Variants in PRTFDC1 observed in about 807,000 individuals in gnomAD.
PRTFDC1 encodes phosphoribosyl transferase domain containing 1.
PRTFDC1 carries 38 observed loss-of-function variants against 34.6 expected under a neutral mutation model. The observed-to-expected ratio is 1.10, with a 90% CI of 0.85 to 1.44. The LOEUF is 1.44. PRTFDC1 is among the 40% of genes most tolerant of loss of function. The pLI, the probability that PRTFDC1 is intolerant of heterozygous loss-of-function variation, is 0.00. For missense variants in PRTFDC1, 270 were observed against 283.0 expected (o/e 0.95, Z 0.33); for synonymous variants, 93 against 98.1 (o/e 0.95, Z 0.31).
intron 3 of PRTFDC1, among the ~76,000 whole-genome samples, chr10:24,936,979 TAGAG>T (rs900914890): frequency 2.0e-5 from 3 of 152,060 alleles, no homozygotes; most frequent in Non-Finnish European, 4.4e-5. Context: ...TATGTGAAAA[TAGAG>T]AGAAGGTCCC....
intron 3 of PRTFDC1, among the ~76,000 whole-genome samples, chr10:24,919,082 C>T (rs1187047734): frequency 1.3e-5 from 2 of 152,046 alleles, no homozygotes; most frequent in Admixed American, 6.6e-5. Context: ...ATTTATAAGG[C>T]ACTTAAAATA....
chr10:24,898,807 G>A (rs1043665898), intron 3 of PRTFDC1, among the ~76,000 whole-genome samples: 5 of 152,152 alleles, frequency 3.3e-5, no homozygotes, highest in Non-Finnish European at 7.4e-5. Flanking sequence ...GCTAAGAACT[G>A]AATGTTTATG....
chr10:24,950,590 C>G (rs113754760), intron 1 of PRTFDC1, among the ~76,000 whole-genome samples: 1 of 151,998 alleles, frequency 6.6e-6, no homozygotes, highest in East Asian at 1.9e-4. Flanking sequence ...TCTTGGTATC[C>G]GACTTGCTGT....
intron 4 of PRTFDC1, among the ~76,000 whole-genome samples, chr10:24,870,858 G>C (rs1252915477): frequency 6.6e-6 from 1 of 151,798 alleles, no homozygotes; most frequent in Non-Finnish European, 1.5e-5. Flanking sequence ...GATCACTTGA[G>C]GTCAGGAGTT....
intron 4 of PRTFDC1, among the ~76,000 whole-genome samples, chr10:24,862,727 G>A (rs771811176): frequency 5.3e-5 from 8 of 151,662 alleles, no homozygotes; most frequent in Non-Finnish European, 1.5e-5. Context: ...ACCCTGTGTT[G>A]AGCACGTGTA....
chr10:24,863,248 C>T (rs1174785461), intron 4 of PRTFDC1, among the ~76,000 whole-genome samples: 2 of 152,086 alleles, frequency 1.3e-5, no homozygotes, highest in Non-Finnish European at 2.9e-5. Context: ...ACTTACCATT[C>T]CAAAAATGCT....
chr10:24,863,261 G>C (rs897388196), intron 4 of PRTFDC1, among the ~76,000 whole-genome samples: 5 of 152,036 alleles, frequency 3.3e-5, no homozygotes, highest in Non-Finnish European at 5.9e-5. Context: ...AAAATGCTAG[G>C]GTGCTTAAAA....
chr10:24,937,404 AC>A (rs1323438333), intron 2 of PRTFDC1, 37 bp from the exon 3 acceptor site: 6 of 1,544,290 alleles, frequency 3.9e-6, no homozygotes, highest in Non-Finnish European at 5.3e-6. Context: ...AGGCACAACT[AC>A]TTCTGAGTAT....
At chr10:24,905,023 C>G (rs1260363579) in intron 3 of PRTFDC1, among the ~76,000 whole-genome samples, 1 of 152,064 alleles carries the variant, frequency 6.6e-6, no homozygotes, top group Non-Finnish European at 1.5e-5. Context: ...AAAGTCTATG[C>G]TAGCCAGGTG....
At chr10:24,873,131 G>A (rs907989793) in intron 3 of PRTFDC1, among the ~76,000 whole-genome samples, 5 of 152,090 alleles carry the variant, frequency 3.3e-5, no homozygotes, top group African/African-American at 7.2e-5. Flanking sequence ...TGGCCTCAGA[G>A]CCATATTTAG....
intron 3 of PRTFDC1, chr10:24,908,605 A>T: frequency 6.2e-7 from 1 of 1,612,736 alleles, no homozygotes; most frequent in Non-Finnish European, 8.5e-7. Context: ...CTTGCAGGGG[A>T]GCACAGCTAC....
Position 24,944,229 on chromosome 10 carries a change from C to T in PRTFDC1, c.49-1793G>A, listed in dbSNP as rs977106033. 4.6e-5 allele frequency among the ~76,000 whole-genome samples: 7 copies of T among 152,200 alleles called. 1 individual carries two copies. The highest frequency in any genetic ancestry group is 4.1e-4 in the South Asian group (2 of 4,830). On this transcript the variant is annotated intron_variant, in intron 1 of 8. Coordinates refer to ENST00000320152, the MANE Select transcript of PRTFDC1 (RefSeq NM_020200.7). ...CTTACCCAAGGCTCCCATGCAGGAT[C>T]CTTGAGAAGGCTCCTGTCCCTTGGA...
intron 3 of PRTFDC1, among the ~76,000 whole-genome samples, chr10:24,935,217 CT>C (rs1849030684): frequency 6.6e-6 from 1 of 151,974 alleles, no homozygotes; most frequent in African/African-American, 2.4e-5. Flanking sequence ...ATAAACCTGA[CT>C]TTAATTAAAA....
In PRTFDC1 at chr10:24,878,141, C is replaced by T. The variant is rs117671733; in HGVS notation, c.340-6078G>A. On this transcript the variant is annotated intron_variant, in intron 3 of 8. Coordinates refer to ENST00000320152, the MANE Select transcript of PRTFDC1 (RefSeq NM_020200.7). The stretch of plus-strand genomic sequence containing the variant: ...TACAAAAAGTAGCCTGGCGTGGTGG[C>T]GAGTGCCTGCAATTCCAGCTACTCA... 4.5e-3 allele frequency among the ~76,000 whole-genome samples: 680 copies of T among 152,070 alleles called. 3 individuals are homozygous for T. The highest frequency in any genetic ancestry group is 8.0e-3 in the Non-Finnish European group (547 of 67,988).
At chr10:24,938,822 C>T (rs957292185) in intron 2 of PRTFDC1, among the ~76,000 whole-genome samples, 3 of 152,166 alleles carry the variant, frequency 2.0e-5, no homozygotes, top group Non-Finnish European at 4.4e-5. Flanking sequence ...CACAAGAAAG[C>T]TCAGGGGAAA....
At chr10:24,944,571 C>A (rs945587624) in intron 1 of PRTFDC1, among the ~76,000 whole-genome samples, 3 of 152,052 alleles carry the variant, frequency 2.0e-5, no homozygotes, top group Non-Finnish European at 4.4e-5. Context: ...CCTCTTGAGG[C>A]GAGGAGTTAG....
At position 24,918,805 on chromosome 10, in the gene PRTFDC1, C is replaced by G. The variant is rs570459775; in HGVS notation, c.339+18379G>C. ...GACCTTACAGATCTTGAAATCCAAC[C>G]TCATCATTTTACAAATGAACAAAGG... On this transcript the variant is annotated intron_variant, in intron 3 of 8. Transcript: ENST00000320152. 4.6e-5 allele frequency among the ~76,000 whole-genome samples: 7 copies of G among 152,228 alleles called. 1 individual carries two copies. Among genetic ancestry groups the G allele is most frequent in the African/African-American group, 1.7e-4 (7 of 41,548 alleles).
chr10:24,925,078 A>G (rs949885937), intron 3 of PRTFDC1, among the ~76,000 whole-genome samples: 2 of 152,262 alleles, frequency 1.3e-5, no homozygotes, highest in Non-Finnish European at 2.9e-5. Context: ...TCAAATGTCC[A>G]TCAATGATAG....
intron 3 of PRTFDC1, among the ~76,000 whole-genome samples, chr10:24,909,996 CAAAA>C (rs35102911): frequency 7.4e-6 from 1 of 135,010 alleles, no homozygotes; most frequent in Non-Finnish European, 1.6e-5. Context: ...ATTAAAAATA[CAAAA>C]AAAAAAAAAA....
Sources: gnomAD v4.1 joint callset for allele counts (sites outside exome capture counted in the v4.1 genomes callset) on GRCh38, gnomAD v4.1.1 for gene constraint, MANE v1.5 for transcripts, NCBI Gene and HGNC (gene_info 2026-07-23, HGNC 2026-07-21) for gene names.